MLLT3: variants seen among roughly 807,000 people sequenced by gnomAD.
MLLT3 encodes protein AF-9.
A neutral mutation model predicts 53.2 loss-of-function variants in MLLT3; 4 were observed. The ratio of observed to expected loss-of-function variants is 0.08; its 90% CI spans 0.04 to 0.17. The LOEUF (loss-of-function observed/expected upper bound fraction) is 0.17, where lower values mean the gene tolerates loss of function less well. Among genes scored for constraint, MLLT3 ranks in the 10% least tolerant of loss-of-function variants. MLLT3 has a pLI of 1.00. For synonymous variants in MLLT3, 283 were observed against 230.6 expected (o/e 1.23, Z -2.06); for missense variants, 569 against 684.0 (o/e 0.83, Z 1.87).
At chr9:20,552,958 T>C (rs974029655) in intron 2 of MLLT3, among the ~76,000 whole-genome samples, 1 of 152,258 alleles carries the variant, frequency 6.6e-6, no homozygotes, top group African/African-American at 2.4e-5. Context: ...AATTTTTGTC[T>C]CATGAAAATT....
At chr9:20,485,113 C>G (rs1225662532) in intron 2 of MLLT3, among the ~76,000 whole-genome samples, 1 of 151,962 alleles carries the variant, frequency 6.6e-6, no homozygotes, top group Non-Finnish European at 1.5e-5. Flanking sequence ...CTCAGCCTCC[C>G]CAGTAGCTGG....
chr9:20,422,913 A>T (rs987731147), intron 4 of MLLT3, among the ~76,000 whole-genome samples: 2 of 152,218 alleles, frequency 1.3e-5, no homozygotes, highest in African/African-American at 4.8e-5. Context: ...ACTGATGTAG[A>T]AGTTTTATCA....
At chr9:20,465,617 A>G (rs1195306868) in intron 2 of MLLT3, among the ~76,000 whole-genome samples, 3 of 152,194 alleles carry the variant, frequency 2.0e-5, no homozygotes, top group Non-Finnish European at 2.9e-5. Flanking sequence ...CTAACTCGAC[A>G]GAAACACCAA....
chr9:20,407,571 T>A lies in MLLT3; in HGVS notation c.1125+6150A>T, dbSNP rs549383415. ...AGGCTTTCCCAGCAGCACTGCCAAC[T>A]TCATGTAGCACACCTCTACAATTTT... On this transcript the variant is annotated intron_variant, in intron 5 of 10. Transcript: ENST00000380338. Among the ~76,000 whole-genome samples the A allele has an allele frequency of 5.3e-5, 8 of 152,316 alleles. No homozygotes were observed. In the East Asian group the frequency reaches 1.5e-3, roughly 29 times the overall value.
intron 4 of MLLT3, among the ~76,000 whole-genome samples, chr9:20,433,665 G>A (rs1823332591): frequency 6.6e-6 from 1 of 152,080 alleles, no homozygotes; most frequent in African/African-American, 2.4e-5. Context: ...ACATAACCAA[G>A]TATGTATATC....
chr9:20,413,657 C>T, intron 5 of MLLT3, 64 bp downstream of exon 5: 1 of 1,373,946 alleles, frequency 7.3e-7, no homozygotes, highest in Non-Finnish European at 9.9e-7. Flanking sequence ...TTCTTTATTA[C>T]AAAGCTATCC....
chr9:20,511,247 A>C (rs940733966), intron 2 of MLLT3, among the ~76,000 whole-genome samples: 15 of 152,072 alleles, frequency 9.9e-5, no homozygotes, highest in African/African-American at 3.6e-4. Context: ...TAAACGTATT[A>C]CTTTTGTAAT....
chr9:20,546,155 C>T (rs182820241), intron 2 of MLLT3, among the ~76,000 whole-genome samples: 1 of 152,316 alleles, frequency 6.6e-6, no homozygotes, highest in East Asian at 1.9e-4. Context: ...GAACTCCCAA[C>T]ACACAGGAAC....
chr9:20,619,435 C>T (rs568627408), intron 2 of MLLT3, among the ~76,000 whole-genome samples: 2 of 152,298 alleles, frequency 1.3e-5, no homozygotes, highest in South Asian at 2.1e-4. Flanking sequence ...CTAAGGCACA[C>T]GACGCTTCTC....
At chr9:20,443,747 A>T (rs1336739453) in intron 4 of MLLT3, among the ~76,000 whole-genome samples, 3 of 152,206 alleles carry the variant, frequency 2.0e-5, no homozygotes, top group Non-Finnish European at 4.4e-5. Flanking sequence ...CTAGTAACTG[A>T]GGGGAAAAGA....
chr9:20,479,222 G>A (rs1007939494), intron 2 of MLLT3, among the ~76,000 whole-genome samples: 6 of 152,082 alleles, frequency 3.9e-5, no homozygotes, highest in African/African-American at 1.4e-4. Flanking sequence ...TTGTTGTTGA[G>A]GGGGTTCCTG....
intron 2 of MLLT3, among the ~76,000 whole-genome samples, chr9:20,592,199 C>T (rs994796319): frequency 1.3e-5 from 2 of 152,110 alleles, no homozygotes; most frequent in African/African-American, 4.8e-5. Flanking sequence ...CTTACTTAAC[C>T]CTATCATCTC....
chr9:20,373,217 G>C (rs556084307), intron 5 of MLLT3, among the ~76,000 whole-genome samples: 2 of 152,186 alleles, frequency 1.3e-5, no homozygotes, highest in East Asian at 3.9e-4. Context: ...ATCAACATTT[G>C]ATTGCTACTA....
chr9:20,493,794 A>T (rs1825011732), intron 2 of MLLT3, among the ~76,000 whole-genome samples: 1 of 152,104 alleles, frequency 6.6e-6, no homozygotes, highest in Non-Finnish European at 1.5e-5. Context: ...AAGTATGTTA[A>T]GTTTTTCACA....
intron 2 of MLLT3, among the ~76,000 whole-genome samples, chr9:20,535,135 C>T (rs536622110): frequency 6.6e-6 from 1 of 152,134 alleles, no homozygotes; most frequent in Non-Finnish European, 1.5e-5. Context: ...CTAGCGTTAC[C>T]GCCTGAGCTC....
intron 5 of MLLT3, among the ~76,000 whole-genome samples, chr9:20,407,936 T>C (rs16938057): frequency 0.11 from 16,525 of 152,192 alleles, 1,910 homozygotes; most frequent in African/African-American, 0.28. Flanking sequence ...TTGAGTCCCA[T>C]TGTTGGCTTT....
At chr9:20,392,936 A>G (rs1329829183) in intron 5 of MLLT3, among the ~76,000 whole-genome samples, 1 of 152,162 alleles carries the variant, frequency 6.6e-6, no homozygotes, top group Non-Finnish European at 1.5e-5. Flanking sequence ...CGGGTGGATC[A>G]CCTGAGGTCA....
At chr9:20,487,927 A>G (rs1040185234) in intron 2 of MLLT3, among the ~76,000 whole-genome samples, 2 of 152,084 alleles carry the variant, frequency 1.3e-5, no homozygotes, top group Admixed American at 6.6e-5. Flanking sequence ...TTTTTCTTCA[A>G]TGGCATAGCA....
At chr9:20,464,051 C>T (rs529687943) in intron 2 of MLLT3, among the ~76,000 whole-genome samples, 34 of 151,930 alleles carry the variant, frequency 2.2e-4, no homozygotes, top group Non-Finnish European at 3.4e-4. Flanking sequence ...CTAAAACAAT[C>T]GCCTTTTGAT....
Sources: gnomAD v4.1 joint callset for allele counts (sites outside exome capture counted in the v4.1 genomes callset) on GRCh38, gnomAD v4.1.1 for gene constraint, MANE v1.5 for transcripts, NCBI Gene and HGNC (gene_info 2026-07-23, HGNC 2026-07-21) for gene names.